Variants in HMGN5 observed in about 807,000 individuals in gnomAD.
The protein encoded by HMGN5 is high mobility group nucleosome binding domain 5.
Under a neutral mutation model 9.5 loss-of-function variants are expected in HMGN5, and 4 were observed. The observed-to-expected ratio is 0.42, with a 90% confidence interval of 0.21 to 0.96. The LOEUF is 0.96. HMGN5 is among the 40% of genes least tolerant of loss of function. The pLI is 0.30. For missense variants in HMGN5, 192 were observed against 187.5 expected (o/e 1.02, Z -0.14); for synonymous variants, 55 against 57.1 (o/e 0.96, Z 0.16).
chrX:81,188,321 G>T (rs780912790), intron 1 of HMGN5, among the ~76,000 whole-genome samples: 89 of 103,332 alleles, frequency 8.6e-4, no homozygotes, highest in African/African-American at 3.1e-3. Flanking sequence ...TACTGATGGG[G>T]TTTTGCTACA....
chrX:81,165,187 C>A (rs1473844044), intron 1 of HMGN5, among the ~76,000 whole-genome samples: 2 of 111,079 alleles, frequency 1.8e-5, no homozygotes, highest in Non-Finnish European at 3.8e-5. Flanking sequence ...CATCCATTCC[C>A]ATGGATTCAA....
intron 1 of HMGN5, among the ~76,000 whole-genome samples, chrX:81,146,149 A>G (rs2075343059): frequency 9.0e-6 from 1 of 111,668 alleles, no homozygotes; most frequent in Non-Finnish European, 1.9e-5. Flanking sequence ...GACCAAGTGG[A>G]CCTAAAAGAC....
At chrX:81,172,607 T>C (rs973341310) in intron 1 of HMGN5, among the ~76,000 whole-genome samples, 1 of 108,668 alleles carries the variant, frequency 9.2e-6, no homozygotes, top group Admixed American at 9.8e-5. Context: ...TTTTGTATAA[T>C]TGAGTGACAG....
intron 1 of HMGN5, among the ~76,000 whole-genome samples, chrX:81,126,173 C>T (rs1464467918): frequency 3.2e-5 from 3 of 94,640 alleles, no homozygotes; most frequent in African/African-American, 1.1e-4. Context: ...AAAAAAAAAT[C>T]AGGCAGTTTT....
intron 1 of HMGN5, among the ~76,000 whole-genome samples, chrX:81,180,395 G>A (rs1238593856): frequency 8.9e-6 from 1 of 111,964 alleles, no homozygotes; most frequent in African/African-American, 3.2e-5. Flanking sequence ...CAAAGGATAT[G>A]AACAGGCACT....
intron 1 of HMGN5, among the ~76,000 whole-genome samples, chrX:81,139,782 A>G (rs1368264608): frequency 8.9e-6 from 1 of 112,204 alleles, no homozygotes; most frequent in Non-Finnish European, 1.9e-5. Flanking sequence ...GCCTGTCCAC[A>G]GAGGGAGCAT....
chrX:81,180,873 A>AG (rs1278231584), intron 1 of HMGN5, among the ~76,000 whole-genome samples: 1 of 111,963 alleles, frequency 8.9e-6, no homozygotes, highest in African/African-American at 3.2e-5. Context: ...TGCAGCCATA[A>AG]AAAGGATGAG....
intron 1 of HMGN5, among the ~76,000 whole-genome samples, chrX:81,133,436 A>G (rs1400814895): frequency 8.9e-6 from 1 of 111,737 alleles, no homozygotes; most frequent in African/African-American, 3.3e-5. Context: ...TATTCACAAC[A>G]GCAAAGACAT....
At chrX:81,174,333 A>G (rs1179168944) in intron 1 of HMGN5, among the ~76,000 whole-genome samples, 1 of 111,562 alleles carries the variant, frequency 9.0e-6, no homozygotes, top group African/African-American at 3.2e-5. Flanking sequence ...TGATAAGGGT[A>G]GAATAACACT....
rs148090852 is a variant in HMGN5, at chrX:81,177,367, C to CAAAAAAAAAA, written c.-124+24360_-124+24369dup. The stretch of plus-strand genomic sequence containing the variant: ...GAAGATCTACCAAGCAAATGGAAAG[C>CAAAAAAAAAA]AAAAAAAAAAAAAAAAAAAAAAAAA... On this transcript the variant is annotated intron_variant, in intron 1 of 6. Coordinates refer to ENST00000358130, the MANE Select transcript of HMGN5 (RefSeq NM_030763.3). Among the ~76,000 whole-genome samples the CAAAAAAAAAA allele has an allele frequency of 7.5e-4, 8 of 10,676 alleles. 2 individuals are homozygous for CAAAAAAAAAA. The highest frequency in any genetic ancestry group is 2.0e-3 in the Admixed American group (1 of 492). 9.3% of individuals were successfully genotyped at this position (10,676 alleles called of 115,157 possible).
At chrX:81,145,885 A>G (rs2075342099) in intron 1 of HMGN5, among the ~76,000 whole-genome samples, 1 of 111,793 alleles carries the variant, frequency 8.9e-6, no homozygotes, top group Non-Finnish European at 1.9e-5. Context: ...TAAATCAACA[A>G]AGATCAAAAC....
At chrX:81,198,038 A>C (rs780817935) in intron 1 of HMGN5, among the ~76,000 whole-genome samples, 2 of 111,520 alleles carry the variant, frequency 1.8e-5, no homozygotes, top group South Asian at 7.5e-4. Flanking sequence ...AGGTGAAGAA[A>C]GAAACAGGAA....
chrX:81,170,871 A>T (rs2075424345), intron 1 of HMGN5, among the ~76,000 whole-genome samples: 1 of 110,781 alleles, frequency 9.0e-6, no homozygotes. Flanking sequence ...AGGTACTATT[A>T]TTGCCATTTT....
intron 1 of HMGN5, among the ~76,000 whole-genome samples, chrX:81,150,452 C>A (rs965528591): frequency 9.0e-6 from 1 of 110,845 alleles, no homozygotes; most frequent in African/African-American, 3.3e-5. Flanking sequence ...GTAATCTCAG[C>A]CACTAGGGAG....
intron 1 of HMGN5, among the ~76,000 whole-genome samples, chrX:81,155,810 T>C (rs1046849405): frequency 3.6e-5 from 4 of 111,915 alleles, no homozygotes; most frequent in Non-Finnish European, 7.5e-5. Context: ...TGGATCCTTG[T>C]CATAATGGAG....
Position 81,129,472 on chromosome X carries a change from T to G in HMGN5, c.-123-7800A>C, listed in dbSNP as rs767896304. Among the ~76,000 whole-genome samples the G allele has an allele frequency of 1.5e-4, 17 of 111,301 alleles. No homozygotes were observed. The Admixed American group carries it at 1.6e-3, about 11-fold the overall frequency. ...CATATCCTTTCTTTTTCTACTGGAT[T>G]TTCTCTTTCATTCTTTCAGCTCTTA... On this transcript the variant is annotated intron_variant, in intron 1 of 6. Coordinates refer to ENST00000358130, the MANE Select transcript of HMGN5 (RefSeq NM_030763.3).
chrX:81,145,367 A>C (rs745782915), intron 1 of HMGN5, among the ~76,000 whole-genome samples: 3 of 112,119 alleles, frequency 2.7e-5, no homozygotes, highest in Non-Finnish European at 5.6e-5. Context: ...CTTAAAGAAA[A>C]GAATTTTCAA....
chrX:81,173,225 C>A (rs1602577332), intron 1 of HMGN5, among the ~76,000 whole-genome samples: 2 of 110,505 alleles, frequency 1.8e-5, no homozygotes, highest in East Asian at 5.6e-4. Context: ...TTTATTTATA[C>A]TGATATGAGA....
intron 1 of HMGN5, among the ~76,000 whole-genome samples, chrX:81,187,976 C>A (rs1195922029): frequency 1.8e-5 from 2 of 111,578 alleles, no homozygotes; most frequent in African/African-American, 3.3e-5. Flanking sequence ...AAAAACCTAA[C>A]AAGCAAGCAA....
Sources: allele counts gnomAD v4.1 joint callset (sites outside exome capture counted in the v4.1 genomes callset), GRCh38; gene constraint gnomAD v4.1.1; transcripts MANE v1.5; gene names NCBI Gene and HGNC (gene_info 2026-07-23, HGNC 2026-07-21).